Variants in NOP56 observed in about 807,000 individuals in gnomAD.
The protein encoded by NOP56 is NOP56 ribonucleoprotein, also known as nucleolar protein 56.
A neutral mutation model predicts 58.3 loss-of-function variants in NOP56; 31 were observed. The ratio of observed to expected loss-of-function variants is 0.53; its 90% CI spans 0.40 to 0.72. NOP56 has a LOEUF of 0.72. NOP56 is among the 30% of genes least tolerant of loss of function. The probability of loss-of-function intolerance (pLI) is 0.00; values close to 1 mark genes in which losing one functional copy is unlikely to be tolerated. For missense variants in NOP56, 669 were observed against 739.9 expected, an observed-to-expected ratio of 0.90 and a Z score of 1.11; for synonymous variants, 313 against 282.8, an observed-to-expected ratio of 1.11 and a Z score of -1.07.
At chr20:2,654,387 A>T in intron 3 of NOP56, 27 bp from the exon 4 acceptor site, 1 of 1,613,584 alleles carries the variant, frequency 6.2e-7, no homozygotes, top group Non-Finnish European at 8.5e-7. Flanking sequence ...TCAGCCTGTT[A>T]GTGGGAACTG....
chr20:2,657,771 C>A, intron 11 of NOP56, 158 bp from the exon 12 acceptor site: 1 of 785,520 alleles, frequency 1.3e-6, no homozygotes, highest in Non-Finnish European at 2.0e-6. Context: ...TTTGGGACAG[C>A]CTTTGGGGTG....
rs1418380912 is a variant in NOP56, at chr20:2,656,883, A to C, written c.1269A>C (p.Glu423Asp). 8.1e-6 allele frequency: 13 copies of C among 1,614,040 alleles called. No individual in the cohort carries two copies. The highest frequency in any genetic ancestry group is 1.0e-5 in the Non-Finnish European group (12 of 1,180,048). ...IPRKNLDVMK[E>D]AMVQAEEAAA... The stretch of plus-strand genomic sequence containing the variant: ...GAAAGAATCTGGATGTCATGAAGGA[A>C]GCAATGGTTCAGGTCAGTTGGGCTT... Residue 423 changes from glutamate (E) to aspartate (D), a missense_variant, in exon 10 of 12, where the codon GAA becomes GAC. By Grantham distance (45) the Glu-to-Asp change is conservative. Coordinates refer to ENST00000329276, the MANE Select transcript of NOP56 (RefSeq NM_006392.4).
chr20:2,652,763 GCGC>G lies in NOP56; in HGVS notation c.4-77_4-75del, dbSNP rs751042779. 108 of 1,548,206 alleles carry G rather than the reference GCGC, an allele frequency of 7.0e-5. No homozygotes were observed. In the African/African-American group the frequency reaches 1.3e-3, roughly 18 times the overall value. ...TGGGCCTGGGCCTGGGCCTGCGCCT[GCGC>G]CTGCGCCTGCCCTGGGAACGGGTTC... On this transcript the variant is annotated intron_variant, in intron 1 of 11. Coordinates refer to ENST00000329276, the MANE Select transcript of NOP56 (RefSeq NM_006392.4).
At chr20:2,657,340 T>C in intron 11 of NOP56, 122 bp downstream of exon 11, 1 of 1,372,552 alleles carries the variant, frequency 7.3e-7, no homozygotes, top group South Asian at 1.2e-5. Flanking sequence ...AACAAGGACC[T>C]GAAACATCTA....
At position 2,652,830 on chromosome 20, in the gene NOP56, C is replaced by T; in HGVS notation, c.4-12C>T. The T allele has an allele frequency of 6.2e-7, 1 of 1,608,078 alleles. No homozygotes were observed. The highest frequency in any genetic ancestry group is 8.5e-7 in the Non-Finnish European group (1 of 1,177,958). ...GGTTGCGTTGACGCTCGCGCCCCGG[C>T]TCCCGTTCCAGGTGCTGTTGCACGT... On this transcript the variant is annotated splice_polypyrimidine_tract_variant and intron_variant, in intron 1 of 11. Coordinates refer to ENST00000329276, the MANE Select transcript of NOP56 (RefSeq NM_006392.4).
At chr20:2,657,700 T>C (rs1257751537) in intron 11 of NOP56, 7 of 556,564 alleles carry the variant, frequency 1.3e-5, no homozygotes, top group Non-Finnish European at 9.3e-6. Flanking sequence ...ATGGTGGGTG[T>C]TTTTTAGGTT....
chr20:2,654,064 C>G lies in NOP56; in HGVS notation c.209-350C>G, dbSNP rs569023723. On this transcript the variant is annotated intron_variant, in intron 3 of 11. Coordinates refer to ENST00000329276, the MANE Select transcript of NOP56 (RefSeq NM_006392.4). ...CTGCTTTCTGTTCGATTGGAAAGGG[C>G]AGTTGGGTAAACACAGGCTGAGAAA... is the stretch of plus-strand genomic sequence containing the variant. The G allele has an allele frequency of 6.4e-6, 3 of 466,532 alleles. No individual in the cohort carries two copies. In the East Asian group the frequency reaches 1.6e-4, roughly 25 times the overall value. 28.9% of individuals were successfully genotyped at this position (466,532 alleles called of 1,614,324 possible).
chr20:2,652,647 C>G lies in NOP56; in HGVS notation c.-14C>G. 2.1e-6 allele frequency: 3 copies of G among 1,422,140 alleles called. No individual in the cohort carries two copies. Among genetic ancestry groups the G allele is most frequent in the Non-Finnish European group, 2.7e-6 (3 of 1,095,952 alleles). 88.1% of individuals were successfully genotyped at this position (1,422,140 alleles called of 1,614,324 possible). A position where few individuals can be genotyped will look rare whatever the true frequency, so the allele number is the denominator to read the frequency against. ...CGCTAGCCGCATTGCGAGCCGAACC[C>G]GGGAGCTGGCGCCATGGTGAGGAGT... On this transcript the variant is annotated 5_prime_UTR_variant, in exon 1 of 12. Coordinates refer to ENST00000329276, the MANE Select transcript of NOP56 (RefSeq NM_006392.4).
At chr20:2,657,370 T>G (rs996354737) in intron 11 of NOP56, 152 bp downstream of exon 11, 2 of 1,131,514 alleles carry the variant, frequency 1.8e-6, no homozygotes, top group Non-Finnish European at 2.6e-6. Context: ...CTTGATTCTA[T>G]AGGAAGGAGA....
Position 2,655,499 on chromosome 20 carries a change from A to G in NOP56, c.744A>G (p.Ser248=), listed in dbSNP as rs1236626792. 6.2e-7 allele frequency: 1 copy of G among 1,614,088 alleles called. No homozygotes were observed. ...GAKAKAILDA[S]RSSMGMDISA... ...AGGCTAAGGCTATTCTGGATGCCTC[A>G]CGGTCCTCCATGGGTCAGTGCAGAG... The change falls in exon 6 of 12, where the codon TCA becomes TCG. Residue 248 remains serine (S), a synonymous_variant. Coordinates refer to ENST00000329276, the MANE Select transcript of NOP56 (RefSeq NM_006392.4).
At chr20:2,654,276 T>C (rs1568540838) in intron 3 of NOP56, 138 bp from the exon 4 acceptor site, 1 of 885,026 alleles carries the variant, frequency 1.1e-6, no homozygotes, top group Admixed American at 1.7e-5. Flanking sequence ...TGTCTCCATG[T>C]CTCTGAGCAA....
chr20:2,653,542 A>G (rs1396012415), intron 3 of NOP56, 149 bp downstream of exon 3: 1 of 646,972 alleles, frequency 1.5e-6, no homozygotes. Context: ...GTAATTTGAA[A>G]TAATTGTCTT....
At position 2,658,198 on chromosome 20, in the gene NOP56, C is replaced by T; in HGVS notation, c.1689C>T (p.Ser563=). The T allele has an allele frequency of 6.2e-7, 1 of 1,607,398 alleles. No homozygotes were observed. Among genetic ancestry groups the T allele is most frequent in the East Asian group, 2.2e-5 (1 of 44,804 alleles). ...GCTCCAAGAAAAAGAGGAAATTCTC[C>T]AAAGAGGAGCCGGTCAGCAGTGGGC... ...RSGSKKKRKF[S]KEEPVSSGPE... is the part of the protein sequence containing the mutation. Residue 563 remains serine, a synonymous_variant, in exon 12 of 12, where the codon TCC becomes TCT. Transcript: ENST00000329276.
At chr20:2,654,292 G>A (rs1367772240) in intron 3 of NOP56, 122 bp from the exon 4 acceptor site, 4 of 975,590 alleles carry the variant, frequency 4.1e-6, no homozygotes, top group Non-Finnish European at 6.6e-6. Context: ...AGCAATGCCT[G>A]ATGGGGAGGG....
At chr20:2,655,117 A>G (rs577907502) in intron 5 of NOP56, 170 bp downstream of exon 5, 8 of 1,056,596 alleles carry the variant, frequency 7.6e-6, no homozygotes, top group Non-Finnish European at 1.2e-5. Context: ...CTGTATAGAA[A>G]GAGGAGGTAG....
At chr20:2,655,549 G>A in intron 6 of NOP56, 37 bp downstream of exon 6, 2 of 1,614,146 alleles carry the variant, frequency 1.2e-6, no homozygotes, top group South Asian at 1.1e-5. Context: ...TAAGGTATGG[G>A]GCTCTAAATA....
At position 2,656,460 on chromosome 20, in the gene NOP56, T is replaced by C. The variant is rs769183179; in HGVS notation, c.1070T>C (p.Ile357Thr). The stretch of plus-strand genomic sequence containing the variant: ...GGACTCATTTTCCACTCCACCTTCA[T>C]TGGCCGAGCAGCTGCCAAGAACAAA... ...KYGLIFHSTF[I>T]GRAAAKNKGR... The change falls in exon 9 of 12, where the codon ATT (isoleucine) becomes ACT (threonine). Residue 357 changes from isoleucine (I) to threonine (T), a missense_variant. Ile to Thr is a moderately conservative substitution (Grantham distance 89). Around this residue, in one of 3 missense-constraint regions of NOP56, gnomAD observed 339 missense variants for 430.5 expected, o/e 0.79. Coordinates refer to ENST00000329276, the MANE Select transcript of NOP56 (RefSeq NM_006392.4). 7 of 1,614,174 alleles carry C rather than the reference T, an allele frequency of 4.3e-6. No homozygotes were observed. The highest frequency in any genetic ancestry group is 1.1e-5 in the South Asian group (1 of 91,082).
rs185209424 is a variant in NOP56, at chr20:2,655,878, C to T, written c.910-56C>T. On this transcript the variant is annotated intron_variant, in intron 7 of 11. Transcript: ENST00000329276. ...GGAGGTGGGGAGCAGGGCTGTCGTGCAACTGGGCAGGTCAGCAGTTCATTT... is the reference window on the plus strand; with the variant it reads ...GGAGGTGGGGAGCAGGGCTGTCGTGTAACTGGGCAGGTCAGCAGTTCATTT... 3.1e-6 allele frequency: 5 copies of T among 1,612,160 alleles called. No individual in the cohort carries two copies. The Admixed American group carries it at 8.3e-5, about 27-fold the overall frequency.
intron 2 of NOP56, 134 bp downstream of exon 2, chr20:2,653,065 CG>C: frequency 1.2e-6 from 1 of 853,238 alleles, no homozygotes; most frequent in Non-Finnish European, 1.8e-6. Flanking sequence ...GCTCTAGATC[CG>C]GGGGTCTTTA....
Sources: gnomAD v4.1 joint callset for allele counts on GRCh38, gnomAD v4.1.1 for gene constraint, gnomAD v4.1.1 regional missense constraint, MANE v1.5 for transcripts, NCBI Gene and HGNC (gene_info 2026-07-23, HGNC 2026-07-21) for gene names.